Variants in KRTCAP3 observed in about 807,000 individuals in gnomAD.
The protein encoded by KRTCAP3 is keratinocyte associated protein 3.
KRTCAP3 carries 18 observed loss-of-function variants against 20.5 expected under a neutral mutation model. The observed-to-expected ratio is 0.88, with a 90% CI of 0.61 to 1.31. The LOEUF (loss-of-function observed/expected upper bound fraction) is 1.31. Ranked by LOEUF, KRTCAP3 falls within the 50% of genes most tolerant of loss-of-function variation. The pLI is 0.00. For missense variants in KRTCAP3, 347 were observed against 310.4 expected (o/e 1.12, Z -0.89); for synonymous variants, 167 against 133.7 (o/e 1.25, Z -1.72).
chr2:27,442,984 A>G (rs1487514998), intron 3 of KRTCAP3, 83 bp downstream of exon 3: 4 of 1,579,188 alleles, frequency 2.5e-6, no homozygotes, highest in Non-Finnish European at 3.5e-6. Flanking sequence ...CTTTCAATAG[A>G]TTGGAGGAGC....
At chr2:27,443,051 C>A in intron 3 of KRTCAP3, 23 bp from the exon 4 acceptor site, 2 of 1,606,426 alleles carry the variant, frequency 1.2e-6, no homozygotes, top group African/African-American at 1.3e-5. Context: ...AGGCTGCTCA[C>A]CCTGATCTCC....
chr2:27,445,346 G>C, downstream of KRTCAP3: 4 of 1,613,472 alleles, frequency 2.5e-6, no homozygotes, highest in South Asian at 3.3e-5. The surrounding 1 kb of genome is among the most constrained non-coding windows in gnomAD (Gnocchi z 4.4). Flanking sequence ...TGCCACTAGG[G>C]AGGCCTCGTA....
downstream of KRTCAP3, chr2:27,444,392 T>C: frequency 7.6e-7 from 1 of 1,309,724 alleles, no homozygotes; most frequent in Non-Finnish European, 1.1e-6. Context: ...TATAAAACTT[T>C]AATGAGGGAG....
Position 27,442,400 on chromosome 2 carries a change from C to G in KRTCAP3, c.-13C>G, listed in dbSNP as rs372223268. Reference sequence around the variant, plus strand: ...CCAGGTACAGCGGCCCTGCGGCTGGCGCGGCGGACGGGATGAGGCGCTGCA... The same window carrying G: ...CCAGGTACAGCGGCCCTGCGGCTGGGGCGGCGGACGGGATGAGGCGCTGCA... On this transcript the variant is annotated 5_prime_UTR_variant, in exon 1 of 7. Coordinates refer to ENST00000288873, the MANE Select transcript of KRTCAP3 (RefSeq NM_173853.4). 76 of 1,550,154 alleles carry G rather than the reference C, an allele frequency of 4.9e-5. No individual in the cohort carries two copies. The highest frequency in any genetic ancestry group is 6.3e-5 in the Non-Finnish European group (72 of 1,148,830).
chr2:27,442,398 GGC>G lies in KRTCAP3; in HGVS notation c.-11_-10del, dbSNP rs1664639633. 1.9e-6 allele frequency: 3 copies of G among 1,551,040 alleles called. No homozygotes were observed. In the South Asian group the frequency reaches 3.6e-5, roughly 18 times the overall value. Reference sequence around the variant, plus strand: ...GCCCAGGTACAGCGGCCCTGCGGCTGGCGCGGCGGACGGGATGAGGCGCTGCA... The same window carrying G: ...GCCCAGGTACAGCGGCCCTGCGGCTGGCGGCGGACGGGATGAGGCGCTGCA... On this transcript the variant is annotated 5_prime_UTR_variant, in exon 1 of 7. Transcript: ENST00000288873.
downstream of KRTCAP3, chr2:27,445,335 C>A (rs766918099): frequency 3.7e-6 from 6 of 1,613,204 alleles, no homozygotes; most frequent in African/African-American, 6.7e-5. This position sits in a 1 kb window ranked among gnomAD's most constrained non-coding sequence, Gnocchi z 4.4. Context: ...CCAGTGCTCG[C>A]TGCCACTAGG....
At position 27,442,758 on chromosome 2, in the gene KRTCAP3, C is replaced by G. The variant is rs200489431; in HGVS notation, c.208C>G (p.Leu70Val). ...VANVISVGSGLLSVSVGLVAL... is the reference protein window; with the variant it reads ...VANVISVGSGVLSVSVGLVAL... Reference sequence around the variant, plus strand: ...CAATGTCATCTCTGTCGGCTCGGGGCTGCTGGTGAGCGCGGCAGGCGACCC... The same window carrying G: ...CAATGTCATCTCTGTCGGCTCGGGGGTGCTGGTGAGCGCGGCAGGCGACCC... The change falls in exon 2 of 7, where the codon CTG becomes GTG. Residue 70 changes from leucine (L) to valine (V), a missense_variant. Leu to Val is a conservative substitution (Grantham distance 32, BLOSUM62 1). Coordinates refer to ENST00000288873, the MANE Select transcript of KRTCAP3 (RefSeq NM_173853.4). The G allele has an allele frequency of 8.1e-6, 13 of 1,609,438 alleles. No individual in the cohort carries two copies. Among genetic ancestry groups the G allele is most frequent in the African/African-American group, 1.3e-5 (1 of 74,776 alleles).
In KRTCAP3 at chr2:27,442,706, C is replaced by A; in HGVS notation, c.156C>A (p.Gly52=). 6.3e-7 allele frequency: 1 copy of A among 1,593,692 alleles called. No homozygotes were observed. The highest frequency in any genetic ancestry group is 8.6e-7 in the Non-Finnish European group (1 of 1,169,230). ...TVLRHVANPR[G]AVTPEYTVAN... is the part of the protein sequence containing the mutation. The stretch of plus-strand genomic sequence containing the variant: ...TGCGGCACGTGGCCAATCCCCGCGG[C>A]GCTGTCACGCCGGAGTACACCGTAG... The change falls in exon 2 of 7, where the codon GGC becomes GGA. Residue 52 remains glycine, a synonymous_variant. Coordinates refer to ENST00000288873, the MANE Select transcript of KRTCAP3 (RefSeq NM_173853.4).
In KRTCAP3 at chr2:27,442,582, C is replaced by T. The variant is rs773146825; in HGVS notation, c.32C>T (p.Ala11Val). The T allele has an allele frequency of 4.6e-6, 7 of 1,526,262 alleles. No homozygotes were observed. Among genetic ancestry groups the T allele is most frequent in the Non-Finnish European group, 6.1e-6 (7 of 1,138,690 alleles). 94.5% of individuals were successfully genotyped at this position (1,526,262 alleles called of 1,614,324 possible). A position where few individuals can be genotyped will look rare whatever the true frequency, so the allele number is the denominator to read the frequency against. ...TGCCCTCCCCCGTGCTTTGCAGACG[C>T]CGCCCGGGGGCCCAGGCGGCTGATG... MRRCSLCAFD[A>V]ARGPRRLMRV... The change falls in exon 2 of 7, where the codon GCC (alanine) becomes GTC (valine). Residue 11 changes from alanine (A) to valine (V), a missense_variant. Ala to Val is a moderately conservative substitution (Grantham distance 64). Coordinates refer to ENST00000288873, the MANE Select transcript of KRTCAP3 (RefSeq NM_173853.4).
At chr2:27,442,487 C>G (rs369046271) in intron 1 of KRTCAP3, 47 bp downstream of exon 1, 4 of 1,552,288 alleles carry the variant, frequency 2.6e-6, no homozygotes, top group Non-Finnish European at 3.5e-6. Flanking sequence ...TGGGGCTACC[C>G]TTGCCCCGTC....
downstream of KRTCAP3, chr2:27,445,684 C>T: frequency 6.3e-7 from 1 of 1,577,254 alleles, no homozygotes; most frequent in Non-Finnish European, 8.7e-7. This position sits in a 1 kb window ranked among gnomAD's most constrained non-coding sequence, Gnocchi z 4.4. Flanking sequence ...CAAAGATATT[C>T]TCCCTCCTCA....
At chr2:27,445,364 C>T (rs201017771), downstream of KRTCAP3, 33 of 1,613,140 alleles carry the variant, frequency 2.0e-5, no homozygotes, top group African/African-American at 1.1e-4. The surrounding 1 kb of genome is among the most constrained non-coding windows in gnomAD (Gnocchi z 4.4). Flanking sequence ...GTAGGCGCCA[C>T]GCTCATCCCG....
At chr2:27,443,036 G>C (rs1243311620) in intron 3 of KRTCAP3, 38 bp from the exon 4 acceptor site, 1 of 1,592,780 alleles carries the variant, frequency 6.3e-7, no homozygotes, top group East Asian at 2.2e-5. Flanking sequence ...GAGTTAGCCA[G>C]GCCCAGGCTG....
intron 3 of KRTCAP3, 55 bp downstream of exon 3, chr2:27,442,956 G>C (rs1001677984): frequency 6.3e-7 from 1 of 1,593,604 alleles, no homozygotes; most frequent in South Asian, 1.1e-5. Context: ...AGGGAAATGG[G>C]GGCTGACTGA....
At position 27,442,590 on chromosome 2, in the gene KRTCAP3, G is replaced by C. The variant is rs200798984; in HGVS notation, c.40G>C (p.Gly14Arg). The C allele has an allele frequency of 1.4e-3, 2,143 of 1,534,552 alleles. 2 individuals are homozygous for C. Among genetic ancestry groups the C allele is most frequent in the Non-Finnish European group, 1.8e-3 (2,059 of 1,143,334 alleles). ...CCCGTGCTTTGCAGACGCCGCCCGG[G>C]GGCCCAGGCGGCTGATGCGTGTGGG... is the stretch of plus-strand genomic sequence containing the variant. ...CSLCAFDAAR[G>R]PRRLMRVGLA... Residue 14 changes from glycine (G) to arginine (R), a missense_variant, in exon 2 of 7, where the codon GGG becomes CGG. By Grantham distance (125) the Gly-to-Arg change is moderately radical (BLOSUM62 -2). Transcript: ENST00000288873.
At chr2:27,443,350 C>T in intron 4 of KRTCAP3, 48 bp from the exon 5 acceptor site, 1 of 1,613,652 alleles carries the variant, frequency 6.2e-7, no homozygotes, top group Non-Finnish European at 8.5e-7. Context: ...CCCCTATTTG[C>T]TGCACTTGCC....
At chr2:27,445,350 C>T, downstream of KRTCAP3, 1 of 1,613,354 alleles carries the variant, frequency 6.2e-7, no homozygotes, top group Non-Finnish European at 8.5e-7. The surrounding 1 kb of genome is among the most constrained non-coding windows in gnomAD (Gnocchi z 4.4). Flanking sequence ...ACTAGGGAGG[C>T]CTCGTAGGCG....
downstream of KRTCAP3, chr2:27,444,372 C>G: frequency 7.5e-6 from 8 of 1,072,062 alleles, no homozygotes; most frequent in South Asian, 1.1e-4. Flanking sequence ...ATACAGTGGT[C>G]TCAATTATTT....
chr2:27,444,975 G>GCC (rs1664921943), downstream of KRTCAP3: 1 of 1,587,832 alleles, frequency 6.3e-7, no homozygotes, highest in African/African-American at 1.4e-5. Flanking sequence ...TTTTAGTGCT[G>GCC]CCCTCTCTGC....
Sources: gnomAD v4.1 joint callset for allele counts on GRCh38, gnomAD v4.1.1 for gene constraint, Gnocchi (gnomAD v3.1) non-coding constraint, MANE v1.5 for transcripts, NCBI Gene and HGNC (gene_info 2026-07-23, HGNC 2026-07-21) for gene names.